The following NKAIN3 variants were observed in gnomAD, a reference collection of about 807,000 sequenced individuals.
NKAIN3 encodes the protein sodium/potassium-transporting ATPase subunit beta-1-interacting protein 3.
NKAIN3 carries 25 observed loss-of-function variants against 30.2 expected under a neutral mutation model. The observed-to-expected ratio is 0.83, with a 90% confidence interval of 0.60 to 1.16. The LOEUF is 1.16. Ranked by LOEUF, NKAIN3 falls within the 50% of genes most tolerant of loss-of-function variation. The pLI is 0.00. For missense variants in NKAIN3, 225 were observed against 254.1 expected, an observed-to-expected ratio of 0.89 and a Z score of 0.78; for synonymous variants, 91 against 89.6, an observed-to-expected ratio of 1.02 and a Z score of -0.09.
intron 3 of NKAIN3, among the ~76,000 whole-genome samples, chr8:62,643,629 T>C (rs1445598193): frequency 2.0e-5 from 3 of 152,178 alleles, no homozygotes; most frequent in African/African-American, 4.8e-5. Context: ...TCTCAGAACA[T>C]AGGGGGCAAT....
chr8:62,648,429 C>T (rs1812531001), intron 3 of NKAIN3, among the ~76,000 whole-genome samples: 4 of 152,042 alleles, frequency 2.6e-5, no homozygotes. Flanking sequence ...GCCCATGTTC[C>T]CTAAGAAGCA....
chr8:62,304,501 T>C (rs1438955084), intron 1 of NKAIN3, among the ~76,000 whole-genome samples: 1 of 150,342 alleles, frequency 6.7e-6, no homozygotes, highest in East Asian at 1.9e-4. Context: ...CATGAAACAA[T>C]GTGTAAATGG....
chr8:62,610,003 A>G (rs902104481), intron 3 of NKAIN3, among the ~76,000 whole-genome samples: 40 of 152,066 alleles, frequency 2.6e-4, no homozygotes, highest in African/African-American at 9.4e-4. Context: ...TGTAGGGGAC[A>G]AGAGTGAAAG....
intron 1 of NKAIN3, among the ~76,000 whole-genome samples, chr8:62,385,461 C>T (rs1277384451): frequency 1.3e-5 from 2 of 152,114 alleles, no homozygotes; most frequent in East Asian, 3.8e-4. Context: ...ATCATTCCAC[C>T]TTTAAATCCA....
At chr8:62,320,833 G>A (rs955562571) in intron 1 of NKAIN3, among the ~76,000 whole-genome samples, 1 of 152,156 alleles carries the variant, frequency 6.6e-6, no homozygotes, top group Admixed American at 6.6e-5. Flanking sequence ...TTCTCAAGGA[G>A]TATCCTTGTG....
In NKAIN3 at chr8:62,726,375, T is replaced by C. The variant is rs544669850; in HGVS notation, c.274-20557T>C. 2.0e-5 allele frequency among the ~76,000 whole-genome samples: 3 copies of C among 152,200 alleles called. No individual in the cohort carries two copies. In the South Asian group the frequency reaches 6.2e-4, roughly 32 times the overall value. On this transcript the variant is annotated intron_variant, in intron 3 of 6. Coordinates refer to ENST00000623646, the MANE Select transcript of NKAIN3 (RefSeq NM_001304533.3). The stretch of plus-strand genomic sequence containing the variant: ...GTGTGCATCCTTGTTGTATTCCAGA[T>C]CTTACAAGAAAGGCTTTCCATTTAT...
intron 1 of NKAIN3, among the ~76,000 whole-genome samples, chr8:62,274,752 C>G (rs186540375): frequency 1.3e-5 from 2 of 151,496 alleles, no homozygotes; most frequent in African/African-American, 2.4e-5. Flanking sequence ...CCCGACCCCC[C>G]ACCCCACAAC....
At chr8:62,768,058 A>G (rs940692691) in intron 4 of NKAIN3, among the ~76,000 whole-genome samples, 1 of 152,154 alleles carries the variant, frequency 6.6e-6, no homozygotes, top group Non-Finnish European at 1.5e-5. Flanking sequence ...CTAGTCCCTG[A>G]CAAAGGGTGA....
intron 4 of NKAIN3, among the ~76,000 whole-genome samples, chr8:62,813,943 T>A (rs1818579534): frequency 6.6e-6 from 1 of 152,072 alleles, no homozygotes; most frequent in African/African-American, 2.4e-5. Context: ...GTTTTTCTTT[T>A]AGTGCTATGA....
At chr8:62,738,672 G>A (rs1815758475) in intron 3 of NKAIN3, among the ~76,000 whole-genome samples, 1 of 150,994 alleles carries the variant, frequency 6.6e-6, no homozygotes, top group Non-Finnish European at 1.5e-5. Flanking sequence ...ACTTTTTGAT[G>A]GGGTTGTTTT....
intron 1 of NKAIN3, among the ~76,000 whole-genome samples, chr8:62,451,636 T>G (rs752920429): frequency 2.6e-5 from 4 of 152,160 alleles, no homozygotes; most frequent in Admixed American, 6.6e-5. Flanking sequence ...TTCAAATATT[T>G]AAAATATATT....
Position 62,579,652 on chromosome 8 carries a change from G to T in NKAIN3, c.168G>T (p.Gln56His). 1 of 1,564,832 alleles carries T rather than the reference G, an allele frequency of 6.4e-7. No homozygotes were observed. Among genetic ancestry groups the T allele is most frequent in the Non-Finnish European group, 8.7e-7 (1 of 1,153,988 alleles). Residue 56 changes from glutamine to histidine, a missense_variant, in exon 2 of 7, where the codon CAG becomes CAT. By Grantham distance (24) the Gln-to-His change is conservative. Transcript: ENST00000623646. ...TATTGGGTTTGTTTGGGACCATTCA[G>T]TACAGACCTCGATACATAATGGTGG... is the stretch of plus-strand genomic sequence containing the variant. The part of the protein sequence containing the change: ...VVILGLFGTI[Q>H]YRPRYIMVYT...
intron 1 of NKAIN3, among the ~76,000 whole-genome samples, chr8:62,527,251 G>A (rs1808333323): frequency 6.6e-6 from 1 of 152,088 alleles, no homozygotes. Context: ...CTCTATTGAA[G>A]CTTTCTAAAT....
chr8:62,560,531 CTTTTTT>C (rs869256384), intron 1 of NKAIN3, among the ~76,000 whole-genome samples: 5 of 45,364 alleles, frequency 1.1e-4, no homozygotes, highest in South Asian at 1.2e-3. Context: ...TTTTTCTTTT[CTTTTTT>C]TTTTTTTTTT....
At chr8:62,919,491 C>T (rs1005579143) in intron 5 of NKAIN3, among the ~76,000 whole-genome samples, 1 of 151,830 alleles carries the variant, frequency 6.6e-6, no homozygotes. Flanking sequence ...GTGATCCACC[C>T]GCCTCGGCCT....
intron 3 of NKAIN3, among the ~76,000 whole-genome samples, chr8:62,624,218 G>T (rs1194390367): frequency 1.3e-5 from 2 of 152,036 alleles, no homozygotes; most frequent in Non-Finnish European, 2.9e-5. Flanking sequence ...CAAGGTCTTT[G>T]TGACCTGTGT....
intron 1 of NKAIN3, chr8:62,383,500 C>T (rs914015182): frequency 8.8e-6 from 4 of 455,238 alleles, no homozygotes; most frequent in East Asian, 6.9e-5. Context: ...GCATTAAAAA[C>T]CTGTTCAGGC....
At chr8:62,834,246 T>C (rs1403309189) in intron 4 of NKAIN3, among the ~76,000 whole-genome samples, 1 of 152,036 alleles carries the variant, frequency 6.6e-6, no homozygotes, top group East Asian at 1.9e-4. Flanking sequence ...GTTGGAAGCA[T>C]GCCCCTTAAG....
chr8:62,802,888 C>T (rs1428672852), intron 4 of NKAIN3, among the ~76,000 whole-genome samples: 2 of 152,126 alleles, frequency 1.3e-5, no homozygotes, highest in African/African-American at 4.8e-5. Context: ...TGCAGAGACA[C>T]ACATAGGCTC....
Sources: gnomAD v4.1 joint callset for allele counts (sites outside exome capture counted in the v4.1 genomes callset) on GRCh38, gnomAD v4.1.1 for gene constraint, MANE v1.5 for transcripts, NCBI Gene and HGNC (gene_info 2026-07-23, HGNC 2026-07-21) for gene names.